Variants in LDLRAD4 observed in about 807,000 individuals in gnomAD.
LDLRAD4 encodes the protein low density lipoprotein receptor class A domain containing 4, also known as low-density lipoprotein receptor class A domain-containing protein 4.
LDLRAD4 carries 5 observed loss-of-function variants against 17.0 expected under a neutral mutation model. That is an observed-to-expected ratio of 0.29 (90% CI 0.15 to 0.62). The LOEUF is 0.62. Ranked by LOEUF, LDLRAD4 falls within the 20% of genes least tolerant of loss-of-function variation. The pLI, the probability that LDLRAD4 is intolerant of heterozygous loss-of-function variation, is 0.84. For synonymous variants in LDLRAD4, 168 were observed against 171.8 expected, an observed-to-expected ratio of 0.98 and a Z score of 0.17; for missense variants, 340 against 424.7, an observed-to-expected ratio of 0.80 and a Z score of 1.75.
chr18:13,415,679 CA>C (rs1555678742), intron 2 of LDLRAD4, among the ~76,000 whole-genome samples: 1 of 152,230 alleles, frequency 6.6e-6, no homozygotes, highest in Non-Finnish European at 1.5e-5. Flanking sequence ...CTCACCCCCC[CA>C]GGACGGTCCC....
At chr18:13,581,245 C>A (rs1030387299) in intron 3 of LDLRAD4, among the ~76,000 whole-genome samples, 5 of 152,162 alleles carry the variant, frequency 3.3e-5, no homozygotes, top group Admixed American at 6.5e-5. Flanking sequence ...CTTGTTGTGT[C>A]ATGTCGGCTC....
At chr18:13,643,302 T>C in intron 4 of LDLRAD4, 57 bp from the exon 6 acceptor site, 1 of 1,128,700 alleles carries the variant, frequency 8.9e-7, no homozygotes, top group Non-Finnish European at 1.3e-6. Context: ...GCGGCGGGGC[T>C]AATGATTTTC....
intron 1 of LDLRAD4, among the ~76,000 whole-genome samples, chr18:13,311,790 C>T (rs963307557): frequency 6.6e-6 from 1 of 151,768 alleles, no homozygotes; most frequent in Non-Finnish European, 1.5e-5. Context: ...CTGAGCATCA[C>T]TAAGCTGAGA....
Position 13,392,676 on chromosome 18 carries a change from G to A in LDLRAD4, c.40+4914G>A, listed in dbSNP as rs116441876. 4.5e-3 allele frequency among the ~76,000 whole-genome samples: 692 copies of A among 152,176 alleles called. 7 individuals are homozygous for A. Among genetic ancestry groups the A allele is most frequent in the African/African-American group, 0.015 (639 of 41,512 alleles). ...CTGGCTTGAGATTCTGCCTCTTCCC[G>A]GCCCATGGTACCACCCTTGGATGCT... is the stretch of plus-strand genomic sequence containing the variant. On this transcript the variant is annotated intron_variant, in intron 2 of 5. Coordinates refer to ENST00000359446, the Ensembl canonical transcript of LDLRAD4.
rs373156146 is a variant in LDLRAD4 at position 13,621,292 on chromosome 18, G to T, written c.336+21G>T. ...CGCAGGTGAGTACCCTGGCCGCCCC[G>T]GCTCCAGAGTCAGGCAGCTGCAAGA... is the stretch of plus-strand genomic sequence containing the variant. On this transcript the variant is annotated intron_variant, in intron 4 of 5. Transcript: ENST00000359446. This position sits in a 1 kb window ranked among gnomAD's most constrained non-coding sequence, Gnocchi z 5.5. The T allele has an allele frequency of 2.5e-6, 4 of 1,595,058 alleles. No homozygotes were observed. The highest frequency in any genetic ancestry group is 1.7e-4 in the Middle Eastern group (1 of 6,016).
intron 1 of LDLRAD4, among the ~76,000 whole-genome samples, chr18:13,308,353 G>C (rs56702815): frequency 0.034 from 5,163 of 152,312 alleles, 244 homozygotes; most frequent in African/African-American, 0.11. Context: ...TATAGACAAA[G>C]TACAATGAAT....
intron 1 of LDLRAD4, among the ~76,000 whole-genome samples, chr18:13,373,472 C>A (rs1390198789): frequency 6.6e-6 from 1 of 151,952 alleles, no homozygotes; most frequent in Non-Finnish European, 1.5e-5. Flanking sequence ...TGCTTGTGTG[C>A]TGACTAATGA....
chr18:13,630,818 C>T (rs1601818481), intron 4 of LDLRAD4, among the ~76,000 whole-genome samples: 1 of 152,232 alleles, frequency 6.6e-6, no homozygotes, highest in South Asian at 2.1e-4. Flanking sequence ...CAAAACAATA[C>T]TTACAGTGTG....
intron 3 of LDLRAD4, among the ~76,000 whole-genome samples, chr18:13,619,743 G>A (rs1200695800): frequency 1.3e-5 from 2 of 152,126 alleles, no homozygotes; most frequent in Non-Finnish European, 2.9e-5. Context: ...TCAGGGCATG[G>A]CCTCTGAGCC....
chr18:13,568,793 T>A (rs1442100725), intron 3 of LDLRAD4, among the ~76,000 whole-genome samples: 1 of 152,166 alleles, frequency 6.6e-6, no homozygotes, highest in Non-Finnish European at 1.5e-5. Context: ...AGGTTTCAGG[T>A]CTTCCTGTCT....
chr18:13,464,779 G>GCCCCCA (rs1039166450), intron 3 of LDLRAD4, among the ~76,000 whole-genome samples: 4 of 126,856 alleles, frequency 3.2e-5, no homozygotes, highest in Admixed American at 9.0e-5. Flanking sequence ...CTTCCCTTCA[G>GCCCCCA]CCCCCACCCC....
chr18:13,588,959 C>T (rs1473667570), intron 3 of LDLRAD4, among the ~76,000 whole-genome samples: 3 of 145,000 alleles, frequency 2.1e-5, no homozygotes, highest in African/African-American at 2.6e-5. Context: ...GACAGAGTCT[C>T]GCTCTGTCGC....
Position 13,498,031 on chromosome 18 carries a change from TC to T in LDLRAD4, c.181+59649del, listed in dbSNP as rs1457286276. 1.8e-4 allele frequency among the ~76,000 whole-genome samples: 23 copies of T among 126,132 alleles called. No individual in the cohort carries two copies. The East Asian group carries it at 2.7e-3, about 15-fold the overall frequency. The allele number at this position is 126,132 out of a possible 152,430, so 82.7% of individuals were successfully genotyped here. ...TGCCGTGGACACTGGAGAATCCTTC[TC>T]CACACACGTCCCGCCATGGACACTG... On this transcript the variant is annotated intron_variant, in intron 3 of 5. Transcript: ENST00000359446.
chr18:13,644,544 G>C (rs2042896537), intron 5 of LDLRAD4, among the ~76,000 whole-genome samples: 1 of 150,874 alleles, frequency 6.6e-6, no homozygotes, highest in Non-Finnish European at 1.5e-5. Context: ...CTCCAGCCTA[G>C]GTGACAGAGC....
At position 13,645,348 on chromosome 18, in the gene LDLRAD4, C is replaced by T. The variant is rs534294494; in HGVS notation, c.612C>T (p.Ser204=). ...AGCAGATGGAACTCAACCGAGAGTC[C>T]GTGAGGGCCCCACCCAACCGAACCA... The change falls in exon 6 of 6, where the codon TCC becomes TCT. Residue 204 remains serine (S), a synonymous_variant. Coordinates refer to ENST00000359446, the Ensembl canonical transcript of LDLRAD4. The surrounding 1 kb of genome is among the most constrained non-coding windows in gnomAD (Gnocchi z 5.7). 23 of 1,614,164 alleles carry T rather than the reference C, an allele frequency of 1.4e-5. 1 individual carries two copies. The highest frequency in any genetic ancestry group is 1.2e-4 in the South Asian group (11 of 91,084).
At chr18:13,254,726 G>A (rs2043409826) in intron 1 of LDLRAD4, among the ~76,000 whole-genome samples, 1 of 152,236 alleles carries the variant, frequency 6.6e-6, no homozygotes. Flanking sequence ...GCTTTGGGAG[G>A]CTGAGGCAGG....
At chr18:13,368,020 C>A (rs908402380) in intron 1 of LDLRAD4, among the ~76,000 whole-genome samples, 1 of 152,058 alleles carries the variant, frequency 6.6e-6, no homozygotes, top group African/African-American at 2.4e-5. Flanking sequence ...AGACCTGAGA[C>A]CCTGTCTCAT....
intron 2 of LDLRAD4, among the ~76,000 whole-genome samples, chr18:13,411,505 C>A (rs1232100917): frequency 6.6e-6 from 1 of 152,092 alleles, no homozygotes; most frequent in African/African-American, 2.4e-5. Context: ...TGAGAGGGAC[C>A]CAGTTGGAGG....
chr18:13,621,741 G>A lies in LDLRAD4; in HGVS notation c.336+470G>A, dbSNP rs2040658215. Reference sequence around the variant, plus strand: ...CAGCACATGGGTGCCATGAGCTGGAGGACGCCTGGAGCTTAAGGCCTCGGG... The same window carrying A: ...CAGCACATGGGTGCCATGAGCTGGAAGACGCCTGGAGCTTAAGGCCTCGGG... On this transcript the variant is annotated intron_variant, in intron 4 of 5. Transcript: ENST00000359446. The surrounding 1 kb of genome is among the most constrained non-coding windows in gnomAD (Gnocchi z 5.5). 6.6e-6 allele frequency among the ~76,000 whole-genome samples: 1 copy of A among 152,212 alleles called. No homozygotes were observed. Among genetic ancestry groups the A allele is most frequent in the Non-Finnish European group, 1.5e-5 (1 of 68,032 alleles).
Sources: allele counts gnomAD v4.1 joint callset (sites outside exome capture counted in the v4.1 genomes callset), GRCh38; gene constraint gnomAD v4.1.1; non-coding constraint Gnocchi (gnomAD v3.1); transcripts MANE v1.5; gene names NCBI Gene and HGNC (gene_info 2026-07-23, HGNC 2026-07-21).